The following RGMA variants were observed in gnomAD, a reference collection of about 807,000 sequenced individuals.
RGMA encodes repulsive guidance molecule BMP co-receptor a.
A neutral mutation model predicts 23.2 loss-of-function variants in RGMA; 10 were observed. The observed-to-expected ratio is 0.43, with a 90% confidence interval of 0.27 to 0.73. RGMA has a LOEUF of 0.73. Among genes scored for constraint, RGMA ranks in the 30% least tolerant of loss-of-function variants. The pLI is 0.20. For missense variants in RGMA, 547 were observed against 630.5 expected (o/e 0.87, Z 1.42); for synonymous variants, 308 against 279.3 (o/e 1.10, Z -1.03).
chr15:93,063,481 A>G (rs1373842522), intron 2 of RGMA, among the ~76,000 whole-genome samples: 2 of 152,136 alleles, frequency 1.3e-5, no homozygotes, highest in Non-Finnish European at 2.9e-5. Flanking sequence ...GGAGTCTCTG[A>G]GTTGAGATGC....
At chr15:93,084,633 C>A (rs1253443124) in intron 1 of RGMA, among the ~76,000 whole-genome samples, 1 of 152,042 alleles carries the variant, frequency 6.6e-6, no homozygotes, top group South Asian at 2.1e-4. Context: ...CCGCCACACC[C>A]GGCCAGTTTT....
intron 2 of RGMA, chr15:93,066,349 C>T: frequency 1.3e-6 from 1 of 768,224 alleles, no homozygotes; most frequent in Non-Finnish European, 2.4e-6. Flanking sequence ...GTGCCCAGGA[C>T]TCGGAGTGCC....
intron 1 of RGMA, among the ~76,000 whole-genome samples, chr15:93,082,651 T>C (rs1596108526): frequency 6.6e-6 from 1 of 152,250 alleles, no homozygotes; most frequent in African/African-American, 2.4e-5. Flanking sequence ...TTTAGAGATA[T>C]ACTGTTTTCC....
At chr15:93,052,680 A>C (rs530562282) in intron 2 of RGMA, among the ~76,000 whole-genome samples, 173 bp from the exon 3 acceptor site, 1 of 152,232 alleles carries the variant, frequency 6.6e-6, no homozygotes, top group South Asian at 2.1e-4. Flanking sequence ...GGGTCCTTCT[A>C]CCCAGCCTAT....
At chr15:93,053,167 AGAGAAGCAAGCT>A (rs1183314651) in intron 2 of RGMA, among the ~76,000 whole-genome samples, 5 of 152,200 alleles carry the variant, frequency 3.3e-5, no homozygotes, top group African/African-American at 9.7e-5. Context: ...TGTCCTGCTC[AGAGAAGCAAGCT>A]GAGAAGCAAC....
At chr15:93,054,771 T>C (rs2054986596) in intron 2 of RGMA, among the ~76,000 whole-genome samples, 1 of 152,166 alleles carries the variant, frequency 6.6e-6, no homozygotes, top group African/African-American at 2.4e-5. Flanking sequence ...CCATGTAGTC[T>C]TCCTCCTACA....
intron 3 of RGMA, among the ~76,000 whole-genome samples, chr15:93,050,676 G>A (rs1195733510): frequency 2.0e-5 from 3 of 152,208 alleles, no homozygotes; most frequent in Non-Finnish European, 2.9e-5. Context: ...TCCCCGGTGC[G>A]TGGCTTGGCT....
At chr15:93,065,937 C>T in intron 2 of RGMA, 1 of 772,094 alleles carries the variant, frequency 1.3e-6, no homozygotes, top group Admixed American at 2.0e-5. Flanking sequence ...GCACAAACCA[C>T]CGTCGGTAGA....
intron 2 of RGMA, among the ~76,000 whole-genome samples, chr15:93,070,592 TAAG>T (rs1171279623): frequency 6.6e-6 from 1 of 152,238 alleles, no homozygotes; most frequent in African/African-American, 2.4e-5. Flanking sequence ...ATCCCTTACT[TAAG>T]AAACTGTCTT....
chr15:93,051,978 C>A lies in RGMA; in HGVS notation c.645+15G>T. 6.3e-7 allele frequency: 1 copy of A among 1,579,558 alleles called. No individual in the cohort carries two copies. Among genetic ancestry groups the A allele is most frequent in the Non-Finnish European group, 8.6e-7 (1 of 1,165,230 alleles). On this transcript the variant is annotated intron_variant, in intron 3 of 3. Coordinates refer to ENST00000329082, the MANE Select transcript of RGMA (RefSeq NM_020211.3). ...AGGGCAGGGCTGTGCCCTACAGCCG[C>A]CCCCTCCCCCTTACCTTGCTGGTGG...
chr15:93,079,485 A>G (rs369650818), intron 1 of RGMA, among the ~76,000 whole-genome samples: 2 of 152,196 alleles, frequency 1.3e-5, no homozygotes, highest in African/African-American at 4.8e-5. Context: ...GCTTCATAAT[A>G]ATACTTTTTT....
intron 1 of RGMA, among the ~76,000 whole-genome samples, chr15:93,084,340 G>A (rs537638017): frequency 2.6e-4 from 40 of 152,298 alleles, no homozygotes; most frequent in Middle Eastern, 6.8e-3. Flanking sequence ...GGGCAGAATG[G>A]TATTCCGGCA....
intron 3 of RGMA, among the ~76,000 whole-genome samples, chr15:93,051,646 C>T (rs547330643): frequency 9.0e-4 from 137 of 152,304 alleles, no homozygotes; most frequent in African/African-American, 2.8e-3. Flanking sequence ...CTCGTGGGGC[C>T]GCTCAGAATA....
rs2054690120 is a variant in RGMA at position 93,038,773 on chromosome 15, AC to A, written c.*6224del. On this transcript the variant is annotated 3_prime_UTR_variant, in exon 4 of 4. Coordinates refer to ENST00000329082, the MANE Select transcript of RGMA (RefSeq NM_020211.3). ...GTATTTTTAGTAGAGATGGGGTTTC[AC>A]CGTGTTAGCCAGGATGGTCTCGATC... is the stretch of plus-strand genomic sequence containing the variant. 1 of 151,754 alleles carries A rather than the reference AC, an allele frequency of 6.6e-6. No individual in the cohort carries two copies. Among genetic ancestry groups the A allele is most frequent in the South Asian group, 2.1e-4 (1 of 4,826 alleles). The allele number at this position is 151,754 out of a possible 1,614,324, so 9.4% of individuals were successfully genotyped here.
At chr15:93,049,659 G>T (rs538579746) in intron 3 of RGMA, among the ~76,000 whole-genome samples, 3 of 152,248 alleles carry the variant, frequency 2.0e-5, no homozygotes, top group Non-Finnish European at 4.4e-5. Context: ...GTGTTTGGGG[G>T]CAGCTTCATG....
intron 2 of RGMA, chr15:93,066,015 A>G (rs2141831867): frequency 7.2e-7 from 1 of 1,396,600 alleles, no homozygotes. Flanking sequence ...CTTCTCTGCC[A>G]GGTTCTGTCC....
intron 1 of RGMA, chr15:93,088,674 C>T (rs1895683474): frequency 2.2e-6 from 2 of 905,478 alleles, no homozygotes; most frequent in Non-Finnish European, 3.0e-6. Context: ...CCCAACCACG[C>T]GCGCTGGCGG....
At chr15:93,069,651 G>C (rs1200640690) in intron 2 of RGMA, among the ~76,000 whole-genome samples, 1 of 152,228 alleles carries the variant, frequency 6.6e-6, no homozygotes, top group Non-Finnish European at 1.5e-5. Flanking sequence ...GAGCTCTCTG[G>C]AGGGCCTGCT....
intron 1 of RGMA, among the ~76,000 whole-genome samples, chr15:93,081,729 C>T (rs1263990499): frequency 2.0e-5 from 3 of 152,236 alleles, no homozygotes; most frequent in Admixed American, 2.0e-4. Flanking sequence ...ATACCATAGA[C>T]ATTTAGCAAT....
Sources: allele counts gnomAD v4.1 joint callset (sites outside exome capture counted in the v4.1 genomes callset), GRCh38; gene constraint gnomAD v4.1.1; transcripts MANE v1.5; gene names NCBI Gene and HGNC (gene_info 2026-07-23, HGNC 2026-07-21).